LPP: variants seen among roughly 807,000 people sequenced by gnomAD.
LPP encodes the protein lipoma-preferred partner.
LPP carries 38 observed loss-of-function variants against 60.4 expected under a neutral mutation model. The observed-to-expected ratio is 0.63, with a 90% CI of 0.49 to 0.83. The LOEUF is 0.83. Ranked by LOEUF, LPP falls within the 40% of genes least tolerant of loss-of-function variation. The pLI is 0.00. For synonymous variants in LPP, 328 were observed against 290.8 expected (o/e 1.13, Z -1.30); for missense variants, 902 against 783.6 (o/e 1.15, Z -1.80).
At chr3:188,720,371 T>C (rs1393910357) in intron 8 of LPP, among the ~76,000 whole-genome samples, 1 of 152,200 alleles carries the variant, frequency 6.6e-6, no homozygotes, top group Non-Finnish European at 1.5e-5. Context: ...AGGGCTTTGA[T>C]AGAGAACAGA....
At chr3:188,369,103 T>C (rs1406712365) in intron 3 of LPP, among the ~76,000 whole-genome samples, 1 of 152,180 alleles carries the variant, frequency 6.6e-6, no homozygotes. Context: ...AGCTTCTTTC[T>C]TCTTTCTCCA....
At chr3:188,539,507 T>C (rs573824812) in intron 6 of LPP, among the ~76,000 whole-genome samples, 4 of 152,252 alleles carry the variant, frequency 2.6e-5, no homozygotes, top group East Asian at 3.9e-4. Flanking sequence ...GTAAGGTCAA[T>C]ATTTTTCTAA....
chr3:188,363,644 A>T (rs546325496), intron 3 of LPP, among the ~76,000 whole-genome samples: 3 of 152,076 alleles, frequency 2.0e-5, no homozygotes, highest in South Asian at 2.1e-4. Context: ...CAGTGGCTCA[A>T]GCCTGTAATC....
chr3:188,391,921 CAT>C (rs1416627783), intron 3 of LPP, among the ~76,000 whole-genome samples: 2 of 152,238 alleles, frequency 1.3e-5, no homozygotes, highest in East Asian at 3.9e-4. Context: ...ACAGCAGAAA[CAT>C]GTCTTCCATC....
chr3:188,339,030 T>G (rs1411615521), intron 2 of LPP, among the ~76,000 whole-genome samples: 1 of 152,190 alleles, frequency 6.6e-6, no homozygotes, highest in East Asian at 1.9e-4. Context: ...TTACCTTCAT[T>G]TACTCCATCC....
chr3:188,482,703 A>G (rs916819982), intron 4 of LPP, among the ~76,000 whole-genome samples: 1 of 152,228 alleles, frequency 6.6e-6, no homozygotes, highest in African/African-American at 2.4e-5. Flanking sequence ...TGGAATGCAT[A>G]CAGATTTATG....
chr3:188,568,419 T>C (rs1209378138), intron 6 of LPP: 1 of 151,998 alleles, frequency 6.6e-6, no homozygotes, highest in Non-Finnish European at 1.5e-5. Flanking sequence ...GATTAATACA[T>C]TCACTCAACC....
intron 7 of LPP, among the ~76,000 whole-genome samples, chr3:188,646,528 C>T (rs1165012269): frequency 6.6e-6 from 1 of 152,172 alleles, no homozygotes; most frequent in Non-Finnish European, 1.5e-5. Context: ...ACTAATGATG[C>T]AACTGAGGCC....
intron 7 of LPP, among the ~76,000 whole-genome samples, chr3:188,688,052 C>T (rs991439024): frequency 2.0e-5 from 3 of 152,132 alleles, no homozygotes; most frequent in East Asian, 1.9e-4. Context: ...CCAGGCACCA[C>T]GGCAGAAGAA....
chr3:188,396,313 A>G (rs572408461), intron 3 of LPP, among the ~76,000 whole-genome samples: 1 of 152,382 alleles, frequency 6.6e-6, no homozygotes, highest in South Asian at 2.1e-4. Context: ...CAAAATAAAT[A>G]TTCAAAAACA....
At chr3:188,634,360 C>T (rs944170341) in intron 7 of LPP, among the ~76,000 whole-genome samples, 13 of 152,314 alleles carry the variant, frequency 8.5e-5, no homozygotes, top group Admixed American at 3.3e-4. Flanking sequence ...CCCTTGCCCT[C>T]AAAGGTTTCA....
intron 9 of LPP, among the ~76,000 whole-genome samples, chr3:188,824,688 G>A (rs1754907246): frequency 6.6e-6 from 1 of 152,162 alleles, no homozygotes; most frequent in African/African-American, 2.4e-5. Context: ...ATTTTGTGCT[G>A]AATGGTATGT....
At chr3:188,312,168 A>C (rs13082082) in intron 2 of LPP, among the ~76,000 whole-genome samples, 1 of 151,730 alleles carries the variant, frequency 6.6e-6, no homozygotes, top group Non-Finnish European at 1.5e-5. Flanking sequence ...CACACACACA[A>C]ACACACACAG....
rs1051609465 is a variant in LPP at position 188,874,218 on chromosome 3, A to G, written c.1711-133A>G. 72 of 675,192 alleles carry G rather than the reference A, an allele frequency of 1.1e-4. 2 individuals are homozygous for G. In the South Asian group the frequency reaches 1.6e-3, roughly 15 times the overall value. The allele number at this position is 675,192 out of a possible 1,614,324, so 41.8% of individuals were successfully genotyped here. ...GGGAGAAAGGATACAGGGGATTAGC[A>G]GAATGTAAAGCAGGAAGGATAGTAA... On this transcript the variant is annotated intron_variant, in intron 11 of 11. Transcript: ENST00000617246.
chr3:188,193,900 A>C (rs548534936), intron 1 of LPP, among the ~76,000 whole-genome samples: 2 of 152,146 alleles, frequency 1.3e-5, no homozygotes, highest in Non-Finnish European at 2.9e-5. Flanking sequence ...TTTTAATTTG[A>C]CTTAAAAAAT....
intron 9 of LPP, among the ~76,000 whole-genome samples, chr3:188,801,492 A>G (rs1328700764): frequency 6.6e-6 from 1 of 152,186 alleles, no homozygotes; most frequent in Non-Finnish European, 1.5e-5. Flanking sequence ...TATTTTATTT[A>G]GTCCATAGAT....
chr3:188,665,955 C>A (rs1256286758), intron 7 of LPP, among the ~76,000 whole-genome samples: 1 of 152,176 alleles, frequency 6.6e-6, no homozygotes, highest in African/African-American at 2.4e-5. Flanking sequence ...AGGATCTGAT[C>A]CATCCTATAA....
chr3:188,400,204 T>G, intron 3 of LPP, among the ~76,000 whole-genome samples: 1 of 152,228 alleles, frequency 6.6e-6, no homozygotes, highest in African/African-American at 2.4e-5. Flanking sequence ...CAAAAACTAC[T>G]GTTAAGTGCT....
intron 4 of LPP, among the ~76,000 whole-genome samples, chr3:188,413,651 G>T (rs1475508860): frequency 3.3e-5 from 5 of 152,134 alleles, no homozygotes; most frequent in African/African-American, 4.8e-5. Context: ...AATATTAATT[G>T]TATTAATTTG....
Sources: allele counts gnomAD v4.1 joint callset (sites outside exome capture counted in the v4.1 genomes callset), GRCh38; gene constraint gnomAD v4.1.1; transcripts MANE v1.5; gene names NCBI Gene and HGNC (gene_info 2026-07-23, HGNC 2026-07-21).